MACROD2: variants seen among roughly 807,000 people sequenced by gnomAD.
MACROD2 encodes ADP-ribose glycohydrolase MACROD2.
Under a neutral mutation model 70.4 loss-of-function variants are expected in MACROD2, and 36 were observed. The ratio of observed to expected loss-of-function variants is 0.51; its 90% CI spans 0.39 to 0.68. MACROD2 has a LOEUF of 0.68. MACROD2 is among the 30% of genes least tolerant of loss of function. The pLI is 0.00. For missense variants in MACROD2, 496 were observed against 538.4 expected (o/e 0.92, Z 0.78); for synonymous variants, 172 against 178.8 (o/e 0.96, Z 0.30).
rs568307284 is a variant in MACROD2, at chr20:14,242,734, C to A, written c.271+157006C>A. Among the ~76,000 whole-genome samples the A allele has an allele frequency of 3.2e-3, 487 of 152,096 alleles. 4 individuals are homozygous for A. Among genetic ancestry groups the A allele is most frequent in the African/African-American group, 0.011 (460 of 41,510 alleles). ...TTAAATTTTATGTAATTTCAAAGTC[C>A]AAAGCCAAATTATACACCTTTTCTA... On this transcript the variant is annotated intron_variant, in intron 3 of 17. Coordinates refer to ENST00000684519, the MANE Select transcript of MACROD2 (RefSeq NM_001351661.2).
intron 8 of MACROD2, among the ~76,000 whole-genome samples, chr20:15,857,825 G>A (rs1244329108): frequency 6.6e-6 from 1 of 152,194 alleles, no homozygotes; most frequent in Non-Finnish European, 1.5e-5. Context: ...AGGGTGAGGA[G>A]AGATGATGGC....
chr20:15,797,292 T>G (rs1280383340), intron 8 of MACROD2, among the ~76,000 whole-genome samples: 4 of 152,114 alleles, frequency 2.6e-5, no homozygotes, highest in Non-Finnish European at 5.9e-5. Flanking sequence ...TTTTTTGTAT[T>G]TTTTAGTAGA....
At chr20:15,849,559 C>A (rs1428960308) in intron 8 of MACROD2, among the ~76,000 whole-genome samples, 1 of 152,130 alleles carries the variant, frequency 6.6e-6, no homozygotes, top group East Asian at 1.9e-4. Context: ...TTGTTTCTCC[C>A]ACTGATGGCA....
intron 2 of MACROD2, among the ~76,000 whole-genome samples, chr20:14,014,300 A>G: frequency 7.9e-6 from 1 of 127,036 alleles, no homozygotes; most frequent in Non-Finnish European, 1.6e-5. Context: ...GTATTCATTT[A>G]GTTTATTTTT....
At chr20:14,319,866 CT>C (rs1320914950) in intron 3 of MACROD2, among the ~76,000 whole-genome samples, 1 of 152,086 alleles carries the variant, frequency 6.6e-6, no homozygotes, top group Non-Finnish European at 1.5e-5. Context: ...TCTTTTCTCT[CT>C]GCTTATTTTC....
At chr20:14,857,758 CAATT>C (rs1173387808) in intron 5 of MACROD2, among the ~76,000 whole-genome samples, 2 of 151,876 alleles carry the variant, frequency 1.3e-5, no homozygotes, top group African/African-American at 4.8e-5. Flanking sequence ...TAATAATGAA[CAATT>C]AATACCTTTG....
intron 6 of MACROD2, among the ~76,000 whole-genome samples, chr20:15,415,573 A>G (rs1165521448): frequency 6.6e-6 from 1 of 152,218 alleles, no homozygotes; most frequent in Non-Finnish European, 1.5e-5. Context: ...TCTGCTATGG[A>G]TAATTTTTAT....
At chr20:15,987,040 G>A (rs1284803321) in intron 14 of MACROD2, 26 bp from the exon 15 acceptor site, 7 of 1,567,382 alleles carry the variant, frequency 4.5e-6, no homozygotes, top group Middle Eastern at 1.7e-4. Context: ...ACAACCCTGA[G>A]TGTCCATCTG....
At chr20:13,996,536 A>G (rs187206584) in intron 1 of MACROD2, 1 of 152,526 alleles carries the variant, frequency 6.6e-6, no homozygotes, top group African/African-American at 2.4e-5. Flanking sequence ...TTTTGTGACT[A>G]ATGTCACTCT....
chr20:15,651,782 T>A (rs2049648436), intron 8 of MACROD2, among the ~76,000 whole-genome samples: 1 of 152,132 alleles, frequency 6.6e-6, no homozygotes, highest in South Asian at 2.1e-4. Context: ...TAATGATGGG[T>A]CCCATCTCGA....
At chr20:14,541,341 G>A (rs1378190774) in intron 4 of MACROD2, among the ~76,000 whole-genome samples, 1 of 152,004 alleles carries the variant, frequency 6.6e-6, no homozygotes, top group African/African-American at 2.4e-5. Flanking sequence ...GATATTTTTA[G>A]TGCTCCCTCT....
chr20:14,985,966 GT>G (rs2074845120), intron 5 of MACROD2, among the ~76,000 whole-genome samples: 1 of 151,896 alleles, frequency 6.6e-6, no homozygotes, highest in African/African-American at 2.4e-5. Flanking sequence ...AAACTCAGAG[GT>G]TGTAGTGCAA....
chr20:14,027,726 G>T (rs1266607900), intron 2 of MACROD2, among the ~76,000 whole-genome samples: 1 of 152,082 alleles, frequency 6.6e-6, no homozygotes, highest in African/African-American at 2.4e-5. Context: ...GGTTTGCCTG[G>T]GTATCACCAG....
intron 8 of MACROD2, among the ~76,000 whole-genome samples, chr20:15,710,973 C>T (rs1347876165): frequency 6.6e-6 from 1 of 152,086 alleles, no homozygotes; most frequent in African/African-American, 2.4e-5. Flanking sequence ...TTCCGCAGCC[C>T]TTTATAGAAA....
intron 3 of MACROD2, among the ~76,000 whole-genome samples, chr20:14,318,063 T>C (rs1348923237): frequency 1.3e-5 from 2 of 152,192 alleles, no homozygotes; most frequent in Non-Finnish European, 2.9e-5. Flanking sequence ...TTCATTAACA[T>C]TGATCCCCAT....
At chr20:14,760,529 T>A (rs1267627870) in intron 5 of MACROD2, among the ~76,000 whole-genome samples, 2 of 152,224 alleles carry the variant, frequency 1.3e-5, no homozygotes, top group South Asian at 2.1e-4. Context: ...GTCCTCTAAA[T>A]CATGAGTTAA....
At chr20:15,710,502 TA>T (rs1197820131) in intron 8 of MACROD2, among the ~76,000 whole-genome samples, 4 of 152,238 alleles carry the variant, frequency 2.6e-5, no homozygotes. Flanking sequence ...CTGTCTCCAT[TA>T]AGCATGTTAT....
At chr20:14,161,409 G>A (rs999810896) in intron 3 of MACROD2, among the ~76,000 whole-genome samples, 3 of 151,644 alleles carry the variant, frequency 2.0e-5, no homozygotes, top group South Asian at 2.1e-4. Flanking sequence ...GGATGGTCTC[G>A]ATCTCCTGAC....
chr20:15,043,690 TTGTC>T (rs1378570014), intron 5 of MACROD2, among the ~76,000 whole-genome samples: 1 of 152,158 alleles, frequency 6.6e-6, no homozygotes, highest in Non-Finnish European at 1.5e-5. Context: ...CTCTAACACT[TTGTC>T]TGTACCCCTG....
Sources: allele counts gnomAD v4.1 joint callset (sites outside exome capture counted in the v4.1 genomes callset), GRCh38; gene constraint gnomAD v4.1.1; transcripts MANE v1.5; gene names NCBI Gene and HGNC (gene_info 2026-07-23, HGNC 2026-07-21).